Variants in ALK observed in about 807,000 individuals in gnomAD.
ALK encodes the protein ALK receptor tyrosine kinase.
A neutral mutation model predicts 163.1 loss-of-function variants in ALK; 74 were observed. That is an observed-to-expected ratio of 0.45 (90% confidence interval 0.38 to 0.55). The LOEUF is 0.55. ALK is among the 20% of genes least tolerant of loss of function. The pLI, the probability that ALK is intolerant of heterozygous loss-of-function variation, is 0.00. For missense variants in ALK, 2,063 were observed against 2,105.3 expected, an observed-to-expected ratio of 0.98 and a Z score of 0.39; for synonymous variants, 960 against 843.2, an observed-to-expected ratio of 1.14 and a Z score of -2.40.
chr2:29,401,452 G>T (rs948646469), intron 4 of ALK, among the ~76,000 whole-genome samples: 5 of 152,196 alleles, frequency 3.3e-5, no homozygotes, highest in African/African-American at 9.7e-5. Context: ...CCCATGGAAG[G>T]ATTCCCAGTA....
At chr2:29,720,330 T>C (rs1679385676) in intron 1 of ALK, among the ~76,000 whole-genome samples, 1 of 151,938 alleles carries the variant, frequency 6.6e-6, no homozygotes, top group Non-Finnish European at 1.5e-5. Flanking sequence ...GCCTTTTATA[T>C]CACAAAACAC....
chr2:29,735,173 G>A (rs1469659654), intron 1 of ALK, among the ~76,000 whole-genome samples: 1 of 152,148 alleles, frequency 6.6e-6, no homozygotes, highest in Non-Finnish European at 1.5e-5. Context: ...GTAAGGAGAG[G>A]ATGAGGCAAG....
rs144329209 is a variant in ALK at position 29,492,303 on chromosome 2, G to A, written c.1154+39612C>T. Among the ~76,000 whole-genome samples, 515 of 152,272 alleles carry A rather than the reference G, an allele frequency of 3.4e-3. 2 individuals are homozygous for A. Among genetic ancestry groups the A allele is most frequent in the African/African-American group, 0.012 (486 of 41,550 alleles). On this transcript the variant is annotated intron_variant, in intron 4 of 28. Transcript: ENST00000389048. ...CAACATTGTCATCAATGTTACAAGT[G>A]TGTATTTGAGTGTGTTTTCCATGGA...
intron 7 of ALK, among the ~76,000 whole-genome samples, chr2:29,319,607 C>A (rs1407304147): frequency 6.6e-6 from 1 of 152,178 alleles, no homozygotes; most frequent in African/African-American, 2.4e-5. Context: ...GAGCTTGCCT[C>A]CAGGTAAGGA....
chr2:29,702,444 C>T (rs7564460), intron 2 of ALK, among the ~76,000 whole-genome samples: 6,035 of 152,120 alleles, frequency 0.04, 423 homozygotes, highest in African/African-American at 0.14. Flanking sequence ...TAAAGTTGGG[C>T]CTGGGATGCC....
intron 3 of ALK, among the ~76,000 whole-genome samples, chr2:29,536,399 C>A (rs565315056): frequency 6.6e-6 from 1 of 152,164 alleles, no homozygotes; most frequent in Non-Finnish European, 1.5e-5. Flanking sequence ...ATGTGGCATG[C>A]TGGTTCCTTG....
chr2:29,470,565 G>T (rs569794045), intron 4 of ALK, among the ~76,000 whole-genome samples: 1 of 152,316 alleles, frequency 6.6e-6, no homozygotes, highest in South Asian at 2.1e-4. Context: ...GGCCGAAAGA[G>T]AACAGAGTGA....
chr2:29,394,389 T>C (rs1163552247), intron 4 of ALK, among the ~76,000 whole-genome samples: 1 of 151,876 alleles, frequency 6.6e-6, no homozygotes, highest in African/African-American at 2.4e-5. Context: ...GTAGTGACCC[T>C]GAGAATCCTG....
intron 4 of ALK, among the ~76,000 whole-genome samples, chr2:29,492,593 T>A (rs1330412796): frequency 6.6e-6 from 1 of 152,194 alleles, no homozygotes; most frequent in African/African-American, 2.4e-5. Context: ...AGCCCAAGTT[T>A]GATGACTTCA....
chr2:29,680,601 G>A (rs1678034359), intron 3 of ALK, among the ~76,000 whole-genome samples: 1 of 151,968 alleles, frequency 6.6e-6, no homozygotes, highest in Non-Finnish European at 1.5e-5. Context: ...TTGTCATGCT[G>A]TTCTTTATTT....
intron 12 of ALK, among the ~76,000 whole-genome samples, chr2:29,249,859 T>A (rs2148196160): frequency 6.6e-6 from 1 of 152,106 alleles, no homozygotes; most frequent in East Asian, 1.9e-4. Context: ...TTACTGGGGG[T>A]GTGTGGGCAC....
At chr2:29,540,007 T>G (rs1463734766) in intron 3 of ALK, among the ~76,000 whole-genome samples, 1 of 152,178 alleles carries the variant, frequency 6.6e-6, no homozygotes, top group Middle Eastern at 3.2e-3. Context: ...TCTGTTTTCT[T>G]TTGTAGGACA....
intron 1 of ALK, among the ~76,000 whole-genome samples, chr2:29,794,706 G>A (rs1351080204): frequency 6.6e-6 from 1 of 152,152 alleles, no homozygotes; most frequent in Non-Finnish European, 1.5e-5. Context: ...GGTTGGTAGA[G>A]CAATCAGAGC....
intron 1 of ALK, among the ~76,000 whole-genome samples, chr2:29,877,292 G>T (rs1468321779): frequency 6.6e-6 from 1 of 152,062 alleles, no homozygotes; most frequent in Non-Finnish European, 1.5e-5. Context: ...TATCCTCATG[G>T]CTCTGTCTCT....
intron 3 of ALK, among the ~76,000 whole-genome samples, chr2:29,581,565 G>C (rs28643434): frequency 0.042 from 6,385 of 152,224 alleles, 251 homozygotes; most frequent in African/African-American, 0.099. Flanking sequence ...TCTCCCTGCT[G>C]TCAGTGCACT....
At chr2:29,797,895 A>G (rs910647085) in intron 1 of ALK, among the ~76,000 whole-genome samples, 3 of 152,072 alleles carry the variant, frequency 2.0e-5, no homozygotes, top group African/African-American at 4.8e-5. Flanking sequence ...AGAAAGCTTT[A>G]GCTGTGGCCA....
chr2:29,217,199 TTGTG>T (rs1187159214), intron 23 of ALK, among the ~76,000 whole-genome samples: 4 of 147,916 alleles, frequency 2.7e-5, no homozygotes, highest in East Asian at 4.4e-4. Context: ...GTGTGGTGTT[TTGTG>T]TGTGTTGCAT....
At chr2:29,579,096 A>G (rs750773504) in intron 3 of ALK, among the ~76,000 whole-genome samples, 4 of 152,232 alleles carry the variant, frequency 2.6e-5, no homozygotes, top group Non-Finnish European at 4.4e-5. Context: ...CAGCATCTCT[A>G]GGTAGCCCTG....
rs529150148 is a variant in ALK at position 29,475,280 on chromosome 2, G to A, written c.1154+56635C>T. 7.2e-4 allele frequency among the ~76,000 whole-genome samples: 109 copies of A among 152,250 alleles called. No homozygotes were observed. The Middle Eastern group carries it at 0.01, about 14-fold the overall frequency. ...CTCAGGCCTCAGGGAGCTCAAGGGG[G>A]CAGCAAAAGAGGAAGACTGCCCTTT... On this transcript the variant is annotated intron_variant, in intron 4 of 28. Coordinates refer to ENST00000389048, the MANE Select transcript of ALK (RefSeq NM_004304.5).
Sources: gnomAD v4.1 joint callset for allele counts (sites outside exome capture counted in the v4.1 genomes callset) on GRCh38, gnomAD v4.1.1 for gene constraint, MANE v1.5 for transcripts, NCBI Gene and HGNC (gene_info 2026-07-23, HGNC 2026-07-21) for gene names.